WDR72: variants seen among roughly 807,000 people sequenced by gnomAD.
WDR72 encodes the protein WD repeat domain 72, also known as WD repeat-containing protein 72.
WDR72 carries 120 observed loss-of-function variants against 124.2 expected under a neutral mutation model. The observed-to-expected ratio is 0.97, with a 90% CI of 0.83 to 1.12. The LOEUF (loss-of-function observed/expected upper bound fraction) is 1.12, where lower values mean the gene tolerates loss of function less well. Among genes scored for constraint, WDR72 ranks in the 50% most tolerant of loss-of-function variants. The pLI, the probability that WDR72 is intolerant of heterozygous loss-of-function variation, is 0.00. For missense variants in WDR72, 1,387 were observed against 1,278.8 expected, an observed-to-expected ratio of 1.08 and a Z score of -1.29; for synonymous variants, 452 against 441.7, an observed-to-expected ratio of 1.02 and a Z score of -0.29.
At chr15:53,762,055 C>T (rs151263261), upstream of WDR72, among the ~76,000 whole-genome samples, 1,518 of 151,952 alleles carry the variant, frequency 1.0e-2, 18 homozygotes, top group Middle Eastern at 0.054. Context: ...CATGACTTTA[C>T]CCTCCAAATC....
chr15:53,575,992 T>C (rs1894741725), intron 18 of WDR72, among the ~76,000 whole-genome samples: 1 of 152,140 alleles, frequency 6.6e-6, no homozygotes, highest in African/African-American at 2.4e-5. Context: ...TTGATTCATC[T>C]ACCAAACTGA....
chr15:53,658,441 A>G (rs1307061559), intron 14 of WDR72, among the ~76,000 whole-genome samples: 1 of 152,130 alleles, frequency 6.6e-6, no homozygotes, highest in Non-Finnish European at 1.5e-5. Flanking sequence ...ATTCTTCAAA[A>G]CCAGCAAGAC....
At position 53,615,791 on chromosome 15, in the gene WDR72, C is replaced by G. The variant is rs2013736039; in HGVS notation, c.2415G>C (p.Trp805Cys). The G allele has an allele frequency of 2.5e-6, 4 of 1,613,598 alleles. No individual in the cohort carries two copies. Among genetic ancestry groups the G allele is most frequent in the South Asian group, 1.1e-5 (1 of 91,076 alleles). The part of the protein sequence containing the change: ...AKLFLSCLLP[W>C]GVDKDLDYLC... ...GATAATCTAAATCTTTATCCACTCC[C>G]CATGGCAAAAGGCAAGACAGAAACA... is the stretch of plus-strand genomic sequence containing the variant. The change falls in exon 15 of 20, where the codon TGG (tryptophan) becomes TGC (cysteine). Residue 805 changes from tryptophan to cysteine, a missense_variant. By Grantham distance (215) the Trp-to-Cys change is radical (BLOSUM62 -2). Coordinates refer to ENST00000360509, the MANE Select transcript of WDR72 (RefSeq NM_182758.4).
At chr15:53,527,708 C>A (rs1234163481) in intron 18 of WDR72, among the ~76,000 whole-genome samples, 1 of 151,934 alleles carries the variant, frequency 6.6e-6, no homozygotes, top group Non-Finnish European at 1.5e-5. Context: ...ATAGAATAAA[C>A]CACTGCAGTA....
chr15:53,724,936 C>T (rs867028698), intron 2 of WDR72, among the ~76,000 whole-genome samples: 42 of 152,036 alleles, frequency 2.8e-4, no homozygotes, highest in African/African-American at 1.0e-3. Context: ...TCTAAATTAT[C>T]TATATTACCT....
chr15:53,682,024 A>G (rs2016406264), intron 13 of WDR72, among the ~76,000 whole-genome samples: 1 of 152,240 alleles, frequency 6.6e-6, no homozygotes, highest in African/African-American at 2.4e-5. Flanking sequence ...AAAGATTGAC[A>G]AAAACTCTAA....
chr15:53,581,228 G>C (rs560763387), intron 18 of WDR72, among the ~76,000 whole-genome samples: 1 of 152,146 alleles, frequency 6.6e-6, no homozygotes, highest in East Asian at 1.9e-4. Flanking sequence ...TGCTATGGAA[G>C]TACTCTTTCT....
At chr15:53,641,069 C>G (rs2014830959) in intron 14 of WDR72, among the ~76,000 whole-genome samples, 1 of 151,552 alleles carries the variant, frequency 6.6e-6, no homozygotes, top group African/African-American at 2.4e-5. Flanking sequence ...AAAATATTAT[C>G]AAGTATTTTC....
At chr15:53,659,838 G>T (rs1490382525) in intron 14 of WDR72, among the ~76,000 whole-genome samples, 5 of 151,976 alleles carry the variant, frequency 3.3e-5, no homozygotes, top group African/African-American at 9.7e-5. Context: ...AAAAGCAAAT[G>T]ACTTTGTAGA....
At chr15:53,665,860 A>G (rs1451700606) in intron 13 of WDR72, 92 bp from the exon 14 acceptor site, 28 of 1,295,108 alleles carry the variant, frequency 2.2e-5, no homozygotes, top group Admixed American at 1.5e-4. Flanking sequence ...AAGAATCACA[A>G]TCCTTTAAGT....
At chr15:53,697,643 T>C (rs1482320718) in intron 13 of WDR72, among the ~76,000 whole-genome samples, 3 of 152,284 alleles carry the variant, frequency 2.0e-5, no homozygotes, top group East Asian at 3.9e-4. Flanking sequence ...CCTCTATAAA[T>C]AGTCCTTTCA....
At chr15:53,722,098 A>C (rs2140576256) in intron 3 of WDR72, among the ~76,000 whole-genome samples, 1 of 151,828 alleles carries the variant, frequency 6.6e-6, no homozygotes, top group East Asian at 1.9e-4. Context: ...CAGTGGCGCC[A>C]TCTTAGCTCA....
chr15:53,529,165 T>TATATATATATATATATATATATATATATA, intron 18 of WDR72, among the ~76,000 whole-genome samples: 1 of 89,064 alleles, frequency 1.1e-5, no homozygotes, highest in South Asian at 3.9e-4. Flanking sequence ...TATATATATA[T>TATATATATATATATATATATATATATATA]TTTTTTTTTT....
chr15:53,744,465 G>A (rs531674433), intron 1 of WDR72, among the ~76,000 whole-genome samples: 1 of 152,244 alleles, frequency 6.6e-6, no homozygotes, highest in East Asian at 1.9e-4. Flanking sequence ...TGACCTGCCA[G>A]CTCCCAAACT....
intron 13 of WDR72, among the ~76,000 whole-genome samples, chr15:53,682,680 G>T (rs1335671412): frequency 6.6e-6 from 1 of 152,136 alleles, no homozygotes; most frequent in Non-Finnish European, 1.5e-5. Flanking sequence ...AATACGGCCA[G>T]ACTCCTTGCT....
At chr15:53,524,454 G>C (rs564231481) in intron 18 of WDR72, among the ~76,000 whole-genome samples, 2 of 152,108 alleles carry the variant, frequency 1.3e-5, no homozygotes, top group African/African-American at 4.8e-5. Context: ...GGCTGAGACT[G>C]TGCTACTTCA....
At chr15:53,762,780 CT>C (rs2019081889), upstream of WDR72, 1 of 152,206 alleles carries the variant, frequency 6.6e-6, no homozygotes, top group Non-Finnish European at 1.5e-5. Context: ...CTCTCTGTGT[CT>C]CAGATCAGGG....
At chr15:53,642,073 A>G (rs530102516) in intron 14 of WDR72, among the ~76,000 whole-genome samples, 46 of 151,934 alleles carry the variant, frequency 3.0e-4, no homozygotes, top group African/African-American at 1.0e-3. Flanking sequence ...TGATTCATAT[A>G]TTTTCTTGAT....
intron 13 of WDR72, among the ~76,000 whole-genome samples, chr15:53,685,509 GA>G (rs1000236083): frequency 1.4e-5 from 2 of 141,032 alleles, no homozygotes; most frequent in African/African-American, 5.4e-5. Context: ...GAAGTTTAGA[GA>G]AAAAAGAATA....
Sources: allele counts gnomAD v4.1 joint callset (sites outside exome capture counted in the v4.1 genomes callset), GRCh38; gene constraint gnomAD v4.1.1; transcripts MANE v1.5; gene names NCBI Gene and HGNC (gene_info 2026-07-23, HGNC 2026-07-21).